SNRPN: variants seen among roughly 807,000 people sequenced by gnomAD.
SNRPN encodes small nuclear ribonucleoprotein-associated protein N.
A neutral mutation model predicts 25.2 loss-of-function variants in SNRPN; 7 were observed. The observed-to-expected ratio is 0.28, with a 90% CI of 0.16 to 0.52. The LOEUF is 0.52. Ranked by LOEUF, SNRPN falls within the 20% of genes least tolerant of loss-of-function variation. The pLI is 0.96. For missense variants in SNRPN, 196 were observed against 322.5 expected (o/e 0.61, Z 3.00); for synonymous variants, 124 against 110.6 (o/e 1.12, Z -0.76).
intron 3 of SNRPN, among the ~76,000 whole-genome samples, chr15:24,923,923 ATTTTTTTTTT>A (rs34575205): frequency 2.2e-5 from 2 of 89,916 alleles, no homozygotes; most frequent in Admixed American, 1.6e-4. Context: ...GTATATAAAC[ATTTTTTTTTT>A]TTTTTTTTTT....
At chr15:24,845,593 C>T (rs1334635539) in intron 2 of SNRPN, among the ~76,000 whole-genome samples, 4 of 151,522 alleles carry the variant, frequency 2.6e-5, no homozygotes, top group South Asian at 2.1e-4. Flanking sequence ...AGCAAAACTC[C>T]GTCTCAAAAA....
chr15:24,936,354 C>T (rs80038852), intron 3 of SNRPN, among the ~76,000 whole-genome samples: 1,911 of 152,232 alleles, frequency 0.013, 38 homozygotes, highest in African/African-American at 0.043. Context: ...TTCCTGATAT[C>T]TGGTAGGGAT....
At chr15:24,975,773 A>G (rs1373387643) in intron 5 of SNRPN, among the ~76,000 whole-genome samples, 3 of 152,222 alleles carry the variant, frequency 2.0e-5, no homozygotes, top group Non-Finnish European at 4.4e-5. Context: ...TATTTTTAAA[A>G]TTGAGAAAAA....
chr15:24,929,886 T>C lies in SNRPN; in HGVS notation c.-391+9762T>C, dbSNP rs1333546783. On this transcript the variant is annotated intron_variant, in intron 3 of 11. Coordinates refer to the SNRPN transcript ENST00000400097. The surrounding 1 kb of genome is among the most constrained non-coding windows in gnomAD (Gnocchi z 5.3). ...ATCAACCTGAACACATGTACATCTA[T>C]TATGTATCAATAAAAAAATGGCCAG... Among the ~76,000 whole-genome samples the C allele has an allele frequency of 1.3e-5, 2 of 152,122 alleles. No homozygotes were observed. The highest frequency in any genetic ancestry group is 4.8e-5 in the African/African-American group (2 of 41,432).
intron 1 of SNRPN, among the ~76,000 whole-genome samples, chr15:24,827,971 C>T (rs1004948680): frequency 2.6e-5 from 4 of 151,890 alleles, no homozygotes; most frequent in Non-Finnish European, 4.4e-5. Context: ...GGACCAGCAA[C>T]GTGCATATTG....
intron 3 of SNRPN, among the ~76,000 whole-genome samples, chr15:24,940,423 G>A (rs1365290426): frequency 6.6e-6 from 1 of 152,080 alleles, no homozygotes; most frequent in Non-Finnish European, 1.5e-5. Context: ...TTTTGCATGT[G>A]GATATCCAGT....
At chr15:24,909,077 T>C (rs928571690) in intron 2 of SNRPN, 1 of 1,409,882 alleles carries the variant, frequency 7.1e-7, no homozygotes, top group African/African-American at 1.4e-5. Context: ...GACTGGATTC[T>C]CTCGTATAGC....
At chr15:24,953,649 G>A (rs1415250099), upstream of SNRPN, among the ~76,000 whole-genome samples, 1 of 152,096 alleles carries the variant, frequency 6.6e-6, no homozygotes, top group African/African-American at 2.4e-5. Context: ...TGACTCCCGT[G>A]ATCAGAGTCA....
chr15:24,826,167 C>A (rs534559554), intron 1 of SNRPN, among the ~76,000 whole-genome samples: 1 of 152,160 alleles, frequency 6.6e-6, no homozygotes, highest in African/African-American at 2.4e-5. Flanking sequence ...GCTCTGTGAT[C>A]CATGTCTCTG....
At chr15:24,930,938 C>T (rs1179356422) in intron 3 of SNRPN, among the ~76,000 whole-genome samples, 2 of 151,192 alleles carry the variant, frequency 1.3e-5, no homozygotes, top group African/African-American at 2.4e-5. Flanking sequence ...TGGTGGTGCA[C>T]ACCTGTAGTC....
At chr15:24,966,518 G>A (rs2075662038) in intron 2 of SNRPN, among the ~76,000 whole-genome samples, 1 of 152,106 alleles carries the variant, frequency 6.6e-6, no homozygotes, top group African/African-American at 2.4e-5. Context: ...TGCCCTCCCA[G>A]GAGGGCTTGC....
intron 2 of SNRPN, among the ~76,000 whole-genome samples, chr15:24,903,172 C>A (rs1022256467): frequency 6.6e-6 from 1 of 152,162 alleles, no homozygotes; most frequent in Non-Finnish European, 1.5e-5. Context: ...ATTTTATTTA[C>A]CTGAATCAAT....
intron 1 of SNRPN, among the ~76,000 whole-genome samples, chr15:24,827,538 A>G (rs2050194286): frequency 6.8e-6 from 1 of 147,738 alleles, no homozygotes. Context: ...AAAAAAAAGA[A>G]ACACTGTATG....
At chr15:24,909,900 G>C in intron 2 of SNRPN, 1 of 622,172 alleles carries the variant, frequency 1.6e-6, no homozygotes. Flanking sequence ...AGGGAGAAGG[G>C]GAAAGCTTTT....
chr15:24,944,114 A>G lies in SNRPN; in HGVS notation c.-390-18000A>G, dbSNP rs1004685472. ...TGGGATTACAGGCATGAGCCACCAC[A>G]CCTGGCTGCATCATTGGTTCTTGCA... On this transcript the variant is annotated intron_variant, in intron 3 of 11. Coordinates refer to the SNRPN transcript ENST00000400097. 2.0e-5 allele frequency among the ~76,000 whole-genome samples: 3 copies of G among 152,150 alleles called. No individual in the cohort carries two copies. In the East Asian group the frequency reaches 5.8e-4, roughly 29 times the overall value.
chr15:24,844,645 C>T (rs2052026714), intron 2 of SNRPN, among the ~76,000 whole-genome samples: 2 of 152,094 alleles, frequency 1.3e-5, no homozygotes, highest in East Asian at 1.9e-4. Flanking sequence ...CTGCCTCAGC[C>T]TCTTGAGTAG....
intron 3 of SNRPN, among the ~76,000 whole-genome samples, chr15:24,940,055 G>A (rs2061460732): frequency 6.6e-6 from 1 of 152,108 alleles, no homozygotes; most frequent in African/African-American, 2.4e-5. Context: ...CTCCCCAAAT[G>A]CTAGGCTTAC....
Position 24,834,751 on chromosome 15 carries a change from C to CTCTCTCTCTCTCTCTA in SNRPN, c.-579+4847_-579+4848insCTCTCTCTCTCTCTAT. On this transcript the variant is annotated intron_variant, in intron 2 of 12. Coordinates refer to the SNRPN transcript ENST00000400100. The stretch of plus-strand genomic sequence containing the variant: ...TCCCTCTCTCTCTCTCTCTCTCTCT[C>CTCTCTCTCTCTCTCTA]TATATATATATATATATATATATAT... Among the ~76,000 whole-genome samples, 328 of 60,918 alleles carry CTCTCTCTCTCTCTCTA rather than the reference C, an allele frequency of 5.4e-3. 3 individuals are homozygous for CTCTCTCTCTCTCTCTA. Among genetic ancestry groups the CTCTCTCTCTCTCTCTA allele is most frequent in the Admixed American group, 6.4e-3 (30 of 4,658 alleles). 40.0% of individuals were successfully genotyped at this position (60,918 alleles called of 152,430 possible).
At chr15:24,893,203 G>C (rs1239944630) in intron 2 of SNRPN, among the ~76,000 whole-genome samples, 1 of 148,338 alleles carries the variant, frequency 6.7e-6, no homozygotes, top group Non-Finnish European at 1.5e-5. Flanking sequence ...GTGAGACTCT[G>C]TCTCAAAACA....
Sources: allele counts gnomAD v4.1 joint callset (sites outside exome capture counted in the v4.1 genomes callset), GRCh38; gene constraint gnomAD v4.1.1; non-coding constraint Gnocchi (gnomAD v3.1); transcripts MANE v1.5; gene names NCBI Gene and HGNC (gene_info 2026-07-23, HGNC 2026-07-21).